Variants in PRB4 observed in about 807,000 individuals in gnomAD.
PRB4 encodes basic salivary proline-rich protein 4.
A neutral mutation model predicts 9.1 loss-of-function variants in PRB4; 14 were observed. The ratio of observed to expected loss-of-function variants is 1.54; its 90% CI spans 1.02 to 2.41. The LOEUF (loss-of-function observed/expected upper bound fraction) is 2.41, where lower values mean the gene tolerates loss of function less well. Among genes scored for constraint, PRB4 ranks in the 30% most tolerant of loss-of-function variants. The pLI, the probability that PRB4 is intolerant of heterozygous loss-of-function variation, is 0.00. For missense variants in PRB4, 381 were observed against 299.3 expected, an observed-to-expected ratio of 1.27 and a Z score of -2.02; for synonymous variants, 102 against 108.5, an observed-to-expected ratio of 0.94 and a Z score of 0.37.
In PRB4 at chr12:11,308,843, G is replaced by T; in HGVS notation, c.140C>A (p.Pro47His). The change falls in exon 3 of 4, where the codon CCC becomes CAC. Residue 47 changes from proline to histidine, a missense_variant. Physicochemically the swap from Pro to His is moderately conservative, Grantham distance 77 (BLOSUM62 -2). This residue lies in a region of PRB4 where 151 missense variants were observed against 105.8 expected (regional missense o/e 1.43). Coordinates refer to ENST00000279575, the MANE Select transcript of PRB4 (RefSeq NM_002723.6). ...EGRRPQGGNQ[P>H]QRPPPPPGKP... is the part of the protein sequence containing the mutation. ...TCCTGGAGGAGGTGGGGGACGTTGG[G>T]GCTGGTTTCCTCCTTGTGGGCGTCG... 6.3e-7 allele frequency: 1 copy of T among 1,589,908 alleles called. No individual in the cohort carries two copies. Among genetic ancestry groups the T allele is most frequent in the South Asian group, 1.1e-5 (1 of 89,870 alleles).
chr12:11,309,420 C>T lies in PRB4; in HGVS notation c.65-15G>A. The stretch of plus-strand genomic sequence containing the variant: ...CTGGCTGACATCTAGAAGAGAAGCA[C>T]AGGATGATGGGAAATGTTACATCTC... On this transcript the variant is annotated splice_polypyrimidine_tract_variant and intron_variant, in intron 1 of 3. Coordinates refer to ENST00000279575, the MANE Select transcript of PRB4 (RefSeq NM_002723.6). 6.2e-7 allele frequency: 1 copy of T among 1,614,064 alleles called. No individual in the cohort carries two copies. Among genetic ancestry groups the T allele is most frequent in the South Asian group, 1.1e-5 (1 of 91,072 alleles).
At chr12:11,308,191 G>T in intron 3 of PRB4, 30 bp downstream of exon 3, 1 of 1,583,842 alleles carries the variant, frequency 6.3e-7, no homozygotes, top group Non-Finnish European at 8.6e-7. Flanking sequence ...AGCAATTAGA[G>T]TCCTGATGAA....
Position 11,308,478 on chromosome 12 carries a change from C to A in PRB4, c.505G>T (p.Glu169Ter). 1.2e-6 allele frequency: 2 copies of A among 1,613,218 alleles called. No homozygotes were observed. Among genetic ancestry groups the A allele is most frequent in the East Asian group, 4.5e-5 (2 of 44,788 alleles). The change falls in exon 3 of 4, where the codon GAA becomes TAA. Residue 169 changes from glutamate (E) to a stop codon, truncating the protein, a stop_gained. Coordinates refer to ENST00000279575, the MANE Select transcript of PRB4 (RefSeq NM_002723.6). LOFTEE classifies it low-confidence loss of function (END_TRUNC). The stretch of plus-strand genomic sequence containing the variant: ...CGGGCACTTCGGGACTTGTTTCCTT[C>A]CTGTGGGGGTGGTCCTTCTGGCTTT... ...PGKPEGPPPQ[E>*]GNKSRSARSP...
intron 2 of PRB4, 28 bp downstream of exon 2, chr12:11,309,342 A>G: frequency 6.2e-7 from 1 of 1,614,126 alleles, no homozygotes; most frequent in Non-Finnish European, 8.5e-7. Context: ...AGGGAGTCAA[A>G]ACAGATTGAG....
chr12:11,308,251 C>G lies in PRB4; in HGVS notation c.732G>C (p.Gln244His). ...ATTGAATCCTAGATTACTGGGGAGG[C>G]TGTTGTCCCTGGGCAGGTCTGGGTG... ...GRPPRPAQGQ[Q>H]PPQ Residue 244 changes from glutamine to histidine, a missense_variant, in exon 3 of 4, where the codon CAG becomes CAC. Around this residue, in one of 3 missense-constraint regions of PRB4, gnomAD observed 204 missense variants for 134.4 expected, o/e 1.52. Transcript: ENST00000279575. 1.2e-6 allele frequency: 2 copies of G among 1,610,540 alleles called. No homozygotes were observed. Among genetic ancestry groups the G allele is most frequent in the Non-Finnish European group, 1.7e-6 (2 of 1,178,560 alleles).
At chr12:11,309,333 G>A (rs779624294) in intron 2 of PRB4, 37 bp downstream of exon 2, 1 of 1,613,936 alleles carries the variant, frequency 6.2e-7, no homozygotes, top group Non-Finnish European at 8.5e-7. Context: ...AGCAGAAAAA[G>A]GGAGTCAAAA....
intron 1 of PRB4, among the ~76,000 whole-genome samples, chr12:11,309,636 C>T (rs192825713): frequency 4.1e-4 from 62 of 152,108 alleles, no homozygotes; most frequent in Admixed American, 4.0e-3. Flanking sequence ...CCTTTTTTTC[C>T]TCCCTAGCAT....
At chr12:11,309,506 A>C in intron 1 of PRB4, 101 bp from the exon 2 acceptor site, 1 of 1,604,240 alleles carries the variant, frequency 6.2e-7, no homozygotes, top group Non-Finnish European at 8.5e-7. Context: ...CACCCCATGC[A>C]TCCCCTAGGT....
In PRB4 at chr12:11,310,399, C is replaced by A; in HGVS notation, c.-1G>T. The A allele has an allele frequency of 1.2e-6, 2 of 1,614,230 alleles. No homozygotes were observed. Among genetic ancestry groups the A allele is most frequent in the Non-Finnish European group, 1.7e-6 (2 of 1,180,042 alleles). On this transcript the variant is annotated 5_prime_UTR_variant, in exon 1 of 4. Coordinates refer to ENST00000279575, the MANE Select transcript of PRB4 (RefSeq NM_002723.6). ...CCACTGACAGCAGAATCAGCAGCAT[C>A]TCGCTGGAGGCTCTGGAGTCACTCC... is the stretch of plus-strand genomic sequence containing the variant.
rs115392624 is a variant in PRB4 at position 11,310,388 on chromosome 12, A to G, written c.11T>C (p.Ile4Thr). 4,538 of 1,614,192 alleles carry G rather than the reference A, an allele frequency of 2.8e-3. 111 individuals are homozygous for G. The African/African-American group carries it at 0.053, about 19-fold the overall frequency. Residue 4 changes from isoleucine to threonine, a missense_variant, in exon 1 of 4, where the codon ATT becomes ACT. By Grantham distance (89) the Ile-to-Thr change is moderately conservative (BLOSUM62 -1). Around this residue, in one of 3 missense-constraint regions of PRB4, gnomAD observed 151 missense variants for 105.8 expected, o/e 1.43. Transcript: ENST00000279575. ...GGCCAGCAGGGCCACTGACAGCAGA[A>G]TCAGCAGCATCTCGCTGGAGGCTCT... MLLILLSVALLALS... is the reference protein window; with the variant it reads MLLTLLSVALLALS...
chr12:11,309,495 A>G (rs1863004516), intron 1 of PRB4, 90 bp from the exon 2 acceptor site: 2 of 1,609,670 alleles, frequency 1.2e-6, no homozygotes, highest in Admixed American at 1.7e-5. Flanking sequence ...TCTTCTCACC[A>G]CACCCCATGC....
rs757874200 is a variant in PRB4 at position 11,308,649 on chromosome 12, C to T, written c.334G>A (p.Gly112Ser). 3 of 845,274 alleles carry T rather than the reference C, an allele frequency of 3.5e-6. No homozygotes were observed. The highest frequency in any genetic ancestry group is 4.0e-5 in the Admixed American group (1 of 25,200). The allele number at this position is 845,274 out of a possible 1,614,324, so 52.4% of individuals were successfully genotyped here. A position where few individuals can be genotyped will look rare whatever the true frequency, so the allele number is the denominator to read the frequency against. Residue 112 changes from glycine to serine, a missense_variant, in exon 3 of 4, where the codon GGT (glycine) becomes AGT (serine). This residue lies in a region of PRB4 where 26 missense variants were observed against 59.1 expected (regional missense o/e 0.44). Coordinates refer to ENST00000279575, the MANE Select transcript of PRB4 (RefSeq NM_002723.6). ...GGCTTTCCTGGAGGAGGTGGGGTAC[C>T]TTGGGACTGGTTTCCTCCTTGTGGG... The part of the protein sequence containing the change: ...PPPQGGNQSQ[G>S]TPPPPGKPER...
rs187468079 is a variant in PRB4 at position 11,309,213 on chromosome 12, C to A, written c.100+157G>T. Among the ~76,000 whole-genome samples the A allele has an allele frequency of 1.4e-4, 21 of 152,234 alleles. No homozygotes were observed. The Middle Eastern group carries it at 0.01, about 74-fold the overall frequency. On this transcript the variant is annotated intron_variant, in intron 2 of 3. Transcript: ENST00000279575. Reference sequence around the variant, plus strand: ...CATTTGGTGGCCTGCTCATGGTCCCCAGAATCAAGTTTGCATGAAGATTGC... The same window carrying A: ...CATTTGGTGGCCTGCTCATGGTCCCAAGAATCAAGTTTGCATGAAGATTGC...
In PRB4 at chr12:11,308,865, G is replaced by A. The variant is rs140405395; in HGVS notation, c.118C>T (p.Arg40Cys). 391 of 1,559,804 alleles carry A rather than the reference G, an allele frequency of 2.5e-4. No homozygotes were observed. Among genetic ancestry groups the A allele is most frequent in the East Asian group, 6.6e-4 (27 of 40,952 alleles). ...TGGGGCTGGTTTCCTCCTTGTGGGC[G>A]TCGTCCTTCTGGCTTTCCTGGAGGA... Reference protein sequence around the residue: ...FLISGKPEGRRPQGGNQPQRP... With the variant: ...FLISGKPEGRCPQGGNQPQRP... The change falls in exon 3 of 4, where the codon CGC becomes TGC. Residue 40 changes from arginine (R) to cysteine (C), a missense_variant. Physicochemically the swap from Arg to Cys is radical, Grantham distance 180. Around this residue, in one of 3 missense-constraint regions of PRB4, gnomAD observed 151 missense variants for 105.8 expected, o/e 1.43. Coordinates refer to ENST00000279575, the MANE Select transcript of PRB4 (RefSeq NM_002723.6).
chr12:11,309,578 G>C (rs561828470), intron 1 of PRB4, among the ~76,000 whole-genome samples, 173 bp from the exon 2 acceptor site: 15 of 152,140 alleles, frequency 9.9e-5, no homozygotes, highest in Non-Finnish European at 1.9e-4. Context: ...GAGGAGGCAG[G>C]GTTGTTACCA....
intron 3 of PRB4, among the ~76,000 whole-genome samples, chr12:11,307,857 A>C (rs1280010804): frequency 1.3e-5 from 2 of 152,178 alleles, no homozygotes; most frequent in Non-Finnish European, 1.5e-5. Flanking sequence ...GGAATACTGG[A>C]CTCGAGAGGC....
chr12:11,309,545 G>A, intron 1 of PRB4, 140 bp from the exon 2 acceptor site: 1 of 1,524,094 alleles, frequency 6.6e-7, no homozygotes. Flanking sequence ...CTGTGAAGGT[G>A]CTGGAAGGGG....
Position 11,308,567 on chromosome 12 carries a change from C to T in PRB4, c.416G>A (p.Gly139Glu). ...NQSHRPPPPP[G>E]KPERPPPQGG... ...TTGTGGGGGTGGTCTTTCTGGCTTT[C>T]CTGGAGGAGGTGGGGGACGGTGGGA... The change falls in exon 3 of 4, where the codon GGA (glycine) becomes GAA (glutamate). Residue 139 changes from glycine to glutamate, a missense_variant. Physicochemically the swap from Gly to Glu is moderately conservative, Grantham distance 98. Around this residue, in one of 3 missense-constraint regions of PRB4, gnomAD observed 204 missense variants for 134.4 expected, o/e 1.52. Coordinates refer to ENST00000279575, the MANE Select transcript of PRB4 (RefSeq NM_002723.6). 1 of 1,572,360 alleles carries T rather than the reference C, an allele frequency of 6.4e-7. No homozygotes were observed. The highest frequency in any genetic ancestry group is 8.7e-7 in the Non-Finnish European group (1 of 1,153,992).
intron 3 of PRB4, among the ~76,000 whole-genome samples, chr12:11,307,517 T>G (rs1862940878): frequency 6.6e-6 from 1 of 152,230 alleles, no homozygotes; most frequent in Non-Finnish European, 1.5e-5. Flanking sequence ...GTGACCTTCA[T>G]AAACTGATGT....
Sources: gnomAD v4.1 joint callset for allele counts (sites outside exome capture counted in the v4.1 genomes callset) on GRCh38, gnomAD v4.1.1 for gene constraint, gnomAD v4.1.1 regional missense constraint, MANE v1.5 for transcripts, NCBI Gene and HGNC (gene_info 2026-07-23, HGNC 2026-07-21) for gene names.